Variants in SERPINE3 observed in about 807,000 individuals in gnomAD.
SERPINE3 encodes serpin E3.
SERPINE3 carries 43 observed loss-of-function variants against 41.7 expected under a neutral mutation model. The ratio of observed to expected loss-of-function variants is 1.03; its 90% CI spans 0.81 to 1.33. SERPINE3 has a LOEUF of 1.33. SERPINE3 is among the 40% of genes most tolerant of loss of function. SERPINE3 has a pLI of 0.00. For missense variants in SERPINE3, 440 were observed against 491.7 expected (o/e 0.89, Z 0.99); for synonymous variants, 200 against 192.2 (o/e 1.04, Z -0.34).
chr13:51,354,465 A>G (rs1955449737), intron 6 of SERPINE3: 1 of 152,144 alleles, frequency 6.6e-6, no homozygotes, highest in Non-Finnish European at 1.5e-5. Flanking sequence ...AGAAATACAA[A>G]TGAATTGGAG....
At chr13:51,361,663 C>T (rs1955579630) in intron 8 of SERPINE3, 147 bp from the exon 9 acceptor site, 7 of 674,936 alleles carry the variant, frequency 1.0e-5, no homozygotes, top group Non-Finnish European at 2.4e-6. Context: ...CTTTAATTTT[C>T]CCATCTGCAC....
At chr13:51,344,577 G>A (rs1344413350) in intron 4 of SERPINE3, 92 bp downstream of exon 4, 1 of 992,120 alleles carries the variant, frequency 1.0e-6, no homozygotes, top group African/African-American at 1.6e-5. Flanking sequence ...ATGGTGCTCA[G>A]GCCACCTTCA....
In SERPINE3 at chr13:51,344,210, C is replaced by T. The variant is rs371103300; in HGVS notation, c.257-42C>T. On this transcript the variant is annotated intron_variant, in intron 3 of 9. Coordinates refer to ENST00000681248, the MANE Select transcript of SERPINE3 (RefSeq NM_001386375.1). ...CTGGAGGTTGTGCTAACTCCTTACT[C>T]ACACTCACCATTGTCAACTTATCCC... The T allele has an allele frequency of 6.3e-5, 93 of 1,469,084 alleles. No homozygotes were observed. The African/African-American group carries it at 9.8e-4, about 16-fold the overall frequency. 91.0% of individuals were successfully genotyped at this position (1,469,084 alleles called of 1,614,324 possible).
chr13:51,348,319 C>G lies in SERPINE3; in HGVS notation c.807C>G (p.Pro269=). 6.2e-7 allele frequency: 1 copy of G among 1,613,854 alleles called. No homozygotes were observed. The highest frequency in any genetic ancestry group is 8.5e-7 in the Non-Finnish European group (1 of 1,179,846). ...TGCTGCCCCGTGACAAAGACACCCC[C>G]CTGAGCCACATCGAGCCACACCTCA... ...FLVLPRDKDT[P]LSHIEPHLTA... The change falls in exon 6 of 10, where the codon CCC becomes CCG. Residue 269 remains proline (P), a synonymous_variant. Coordinates refer to ENST00000681248, the MANE Select transcript of SERPINE3 (RefSeq NM_001386375.1).
At chr13:51,360,307 G>A (rs1309078067) in intron 7 of SERPINE3, among the ~76,000 whole-genome samples, 1 of 151,972 alleles carries the variant, frequency 6.6e-6, no homozygotes, top group African/African-American at 2.4e-5. Context: ...CTGAAAGGCG[G>A]CAGTGTTTGA....
rs77223310 is a variant in SERPINE3, at chr13:51,353,018, G to T, written c.900-2025G>T. Among the ~76,000 whole-genome samples, 1,291 of 152,192 alleles carry T rather than the reference G, an allele frequency of 8.5e-3. 17 individuals are homozygous for T. The highest frequency in any genetic ancestry group is 0.029 in the African/African-American group (1,188 of 41,548). On this transcript the variant is annotated intron_variant, in intron 6 of 9. Coordinates refer to ENST00000681248, the MANE Select transcript of SERPINE3 (RefSeq NM_001386375.1). ...TTGCTAGTATTTTGTTGAAGATTTT[G>T]CATCTATATTCATAAGGTATATTGG...
chr13:51,340,818 G>A lies in SERPINE3; in HGVS notation c.-61G>A, dbSNP rs746821915. The A allele has an allele frequency of 1.5e-4, 82 of 532,402 alleles. 1 individual carries two copies. The highest frequency in any genetic ancestry group is 2.2e-4 in the Non-Finnish European group (65 of 296,360). 33.0% of individuals were successfully genotyped at this position (532,402 alleles called of 1,614,324 possible). A position where few individuals can be genotyped will look rare whatever the true frequency, so the allele number is the denominator to read the frequency against. On this transcript the variant is annotated 5_prime_UTR_variant, in exon 2 of 10. Transcript: ENST00000681248. ...AAAGTCACACATCCAGTAAGTGGCC[G>A]AAGCAGATCTTCAGACCCACAGTTT...
intron 8 of SERPINE3, 128 bp from the exon 9 acceptor site, chr13:51,361,682 C>A: frequency 2.4e-6 from 2 of 821,058 alleles, no homozygotes; most frequent in Non-Finnish European, 3.7e-6. Flanking sequence ...ACCCCCATCA[C>A]AACAGTAAAC....
In SERPINE3 at chr13:51,348,246, G is replaced by C. The variant is rs751239919; in HGVS notation, c.734G>C (p.Gly245Ala). The C allele has an allele frequency of 6.9e-6, 11 of 1,602,514 alleles. No individual in the cohort carries two copies. The South Asian group carries it at 1.2e-4, about 18-fold the overall frequency. Residue 245 changes from glycine to alanine, a missense_variant, in exon 6 of 10, where the codon GGG becomes GCG. By Grantham distance (60) the Gly-to-Ala change is moderately conservative. Coordinates refer to ENST00000681248, the MANE Select transcript of SERPINE3 (RefSeq NM_001386375.1). Reference sequence around the variant, plus strand: ...CAGGACACTGCAGGCCATCAGGTGGGGGTGCTGGAGCTTCCTTACCTGGGA... The same window carrying C: ...CAGGACACTGCAGGCCATCAGGTGGCGGTGCTGGAGCTTCCTTACCTGGGA... ...QFQDTAGHQV[G>A]VLELPYLGSA...
chr13:51,361,773 C>G, intron 8 of SERPINE3, 37 bp from the exon 9 acceptor site: 1 of 1,539,936 alleles, frequency 6.5e-7, no homozygotes. Context: ...TAAAAATGCA[C>G]AGAAAATGCA....
At position 51,341,159 on chromosome 13, in the gene SERPINE3, G is replaced by T. The variant is rs750154942; in HGVS notation, c.68G>T (p.Arg23Leu). The T allele has an allele frequency of 6.2e-7, 1 of 1,613,976 alleles. No homozygotes were observed. Among genetic ancestry groups the T allele is most frequent in the Non-Finnish European group, 8.5e-7 (1 of 1,179,886 alleles). Residue 23 changes from arginine (R) to leucine (L), a missense_variant, in exon 3 of 10, where the codon CGT becomes CTT. By Grantham distance (102) the Arg-to-Leu change is moderately radical. Transcript: ENST00000681248. The stretch of plus-strand genomic sequence containing the variant: ...TGCCTCCGAGCAAATGGCCACCTCC[G>T]TGAAGGAATGACATTGCTGAAGACT... ...SCCLRANGHLREGMTLLKTEF... is the reference protein window; with the variant it reads ...SCCLRANGHLLEGMTLLKTEF...
chr13:51,351,136 T>C (rs1170574544), intron 6 of SERPINE3, among the ~76,000 whole-genome samples: 2 of 152,212 alleles, frequency 1.3e-5, no homozygotes, highest in African/African-American at 4.8e-5. Flanking sequence ...TTTGTGTATA[T>C]ATATTTTCAA....
chr13:51,341,807 A>T (rs1277634231), intron 3 of SERPINE3, among the ~76,000 whole-genome samples: 2 of 152,176 alleles, frequency 1.3e-5, no homozygotes, highest in East Asian at 3.8e-4. Context: ...AGAGATGAGC[A>T]AATAGGCATG....
At chr13:51,363,748 A>G (rs1293699376) in intron 9 of SERPINE3, 2 of 151,778 alleles carry the variant, frequency 1.3e-5, no homozygotes, top group African/African-American at 2.4e-5. Context: ...TAGGTTTCAA[A>G]CCCTCCTGAC....
Position 51,348,200 on chromosome 13 carries a change from A to G in SERPINE3, c.701-13A>G. 6.4e-7 allele frequency: 1 copy of G among 1,568,104 alleles called. No individual in the cohort carries two copies. The highest frequency in any genetic ancestry group is 8.7e-7 in the Non-Finnish European group (1 of 1,154,898). ...CTGGGACAGAGCTGACCTCTGATCC[A>G]CTGTACCCTCAGGTCAGTTCCAGGA... On this transcript the variant is annotated splice_polypyrimidine_tract_variant and intron_variant, in intron 5 of 9. Coordinates refer to ENST00000681248, the MANE Select transcript of SERPINE3 (RefSeq NM_001386375.1).
At chr13:51,348,697 C>T (rs1955375992) in intron 6 of SERPINE3, 1 of 387,590 alleles carries the variant, frequency 2.6e-6, no homozygotes, top group Non-Finnish European at 4.7e-6. Flanking sequence ...CCCCCCAGGA[C>T]CCCCTGATCC....
intron 6 of SERPINE3, chr13:51,348,678 G>A (rs1955375246): frequency 4.2e-6 from 1 of 236,444 alleles, no homozygotes; most frequent in Middle Eastern, 4.2e-4. Context: ...TCACTGGGCT[G>A]GAATGGAGCC....
At chr13:51,346,975 C>A in intron 4 of SERPINE3, 50 bp from the exon 5 acceptor site, 1 of 1,382,306 alleles carries the variant, frequency 7.2e-7, no homozygotes, top group Admixed American at 2.0e-5. Context: ...GGGTTCGGTT[C>A]AGTTTCAATG....
At chr13:51,354,988 T>C in intron 6 of SERPINE3, 55 bp from the exon 7 acceptor site, 3 of 874,762 alleles carry the variant, frequency 3.4e-6, no homozygotes, top group South Asian at 3.0e-5. Context: ...GTGGTGTGTA[T>C]GAAAGTATAT....
Sources: allele counts gnomAD v4.1 joint callset (sites outside exome capture counted in the v4.1 genomes callset), GRCh38; gene constraint gnomAD v4.1.1; transcripts MANE v1.5; gene names NCBI Gene and HGNC (gene_info 2026-07-23, HGNC 2026-07-21).